The following NOVA1 variants were observed in gnomAD, a reference collection of about 807,000 sequenced individuals.
NOVA1 encodes the protein NOVA alternative splicing regulator 1, also known as RNA-binding protein Nova-1.
A neutral mutation model predicts 38.0 loss-of-function variants in NOVA1; 7 were observed. The ratio of observed to expected loss-of-function variants is 0.18; its 90% CI spans 0.10 to 0.35. NOVA1 has a LOEUF of 0.35. Ranked by LOEUF, NOVA1 falls within the 10% of genes least tolerant of loss-of-function variation. NOVA1 has a pLI of 1.00. For synonymous variants in NOVA1, 270 were observed against 232.5 expected, an observed-to-expected ratio of 1.16 and a Z score of -1.47; for missense variants, 460 against 616.0, an observed-to-expected ratio of 0.75 and a Z score of 2.68.
chr14:26,581,319 A>G (rs1402194274), intron 2 of NOVA1, among the ~76,000 whole-genome samples: 2 of 152,110 alleles, frequency 1.3e-5, no homozygotes, highest in African/African-American at 4.8e-5. Flanking sequence ...ACTGAGTACT[A>G]TATCACAGTG....
At chr14:26,536,108 T>A (rs542621793) in intron 2 of NOVA1, among the ~76,000 whole-genome samples, 1 of 152,022 alleles carries the variant, frequency 6.6e-6, no homozygotes, top group Admixed American at 6.5e-5. Context: ...AAGACAGGCA[T>A]AGAACGACAA....
intron 2 of NOVA1, among the ~76,000 whole-genome samples, chr14:26,529,547 TATA>T (rs1293841676): frequency 6.6e-6 from 1 of 152,194 alleles, no homozygotes; most frequent in African/African-American, 2.4e-5. Flanking sequence ...AATGTATACT[TATA>T]GGCCACACAG....
intron 2 of NOVA1, among the ~76,000 whole-genome samples, chr14:26,491,072 G>A (rs1345133937): frequency 3.3e-5 from 5 of 151,900 alleles, no homozygotes; most frequent in African/African-American, 9.7e-5. Flanking sequence ...GGATGGCCTC[G>A]ATCTCCTGGC....
chr14:26,595,662 G>T, intron 1 of NOVA1, 109 bp from the exon 2 acceptor site: 2 of 839,140 alleles, frequency 2.4e-6, no homozygotes, highest in Non-Finnish European at 1.8e-6. Flanking sequence ...GTATATAACT[G>T]CAGGAAATAT....
Position 26,448,502 on chromosome 14 carries a change from A to G in NOVA1, c.981T>C (p.Tyr327=). The G allele has an allele frequency of 6.2e-7, 1 of 1,614,194 alleles. No homozygotes were observed. The highest frequency in any genetic ancestry group is 8.5e-7 in the Non-Finnish European group (1 of 1,180,044). The change falls in exon 5 of 5, where the codon TAT becomes TAC. Residue 327 remains tyrosine (Y), a synonymous_variant. Transcript: ENST00000539517. The surrounding 1 kb of genome is among the most constrained non-coding windows in gnomAD (Gnocchi z 5.3). The part of the protein sequence containing the change: ...SALNTLASYG[Y]NLNTLGLGLS... ...GACCTAAACCTAAAGTGTTGAGATT[A>G]TATCCATAGCTGGCTAATGTATTAA...
intron 4 of NOVA1, among the ~76,000 whole-genome samples, chr14:26,464,503 T>C (rs1346156708): frequency 1.3e-5 from 2 of 152,238 alleles, no homozygotes; most frequent in Non-Finnish European, 2.9e-5. Context: ...CCGTGATACA[T>C]GACCTTACTT....
At chr14:26,525,725 C>G (rs1346412892) in intron 2 of NOVA1, among the ~76,000 whole-genome samples, 1 of 152,102 alleles carries the variant, frequency 6.6e-6, no homozygotes, top group Non-Finnish European at 1.5e-5. Flanking sequence ...CTTCAGGGGT[C>G]ATTATAGTAT....
chr14:26,470,262 G>A, intron 4 of NOVA1: 1 of 1,256,582 alleles, frequency 8.0e-7, no homozygotes, highest in Non-Finnish European at 1.1e-6. Flanking sequence ...GTATAGCAAA[G>A]CTAAATTAAT....
At chr14:26,591,533 T>A (rs1196631649) in intron 2 of NOVA1, among the ~76,000 whole-genome samples, 1 of 151,774 alleles carries the variant, frequency 6.6e-6, no homozygotes, top group Admixed American at 6.6e-5. Flanking sequence ...AAGTACAGAC[T>A]GCAACTTTTA....
intron 2 of NOVA1, among the ~76,000 whole-genome samples, chr14:26,577,811 C>T (rs1437958731): frequency 2.0e-5 from 3 of 151,998 alleles, no homozygotes; most frequent in Non-Finnish European, 2.9e-5. Flanking sequence ...TTCTAACATA[C>T]ATATTAGACA....
At chr14:26,464,840 G>A (rs1883986425) in intron 4 of NOVA1, among the ~76,000 whole-genome samples, 1 of 152,026 alleles carries the variant, frequency 6.6e-6, no homozygotes, top group Non-Finnish European at 1.5e-5. Flanking sequence ...TTAAGGGAGT[G>A]TTTCAGGCCT....
At chr14:26,594,450 A>C (rs1013028335) in intron 2 of NOVA1, 3 of 151,994 alleles carry the variant, frequency 2.0e-5, no homozygotes, top group Non-Finnish European at 4.4e-5. Context: ...GGAAGAAAAA[A>C]ATTAAAGCAG....
At position 26,458,988 on chromosome 14, in the gene NOVA1, A is replaced by T. The variant is rs543226976; in HGVS notation, c.520-10025T>A. The stretch of plus-strand genomic sequence containing the variant: ...TATACTAACCTAAGGCTAATTATTA[A>T]AGAAAGTTTATTTTTATACAATTAG... On this transcript the variant is annotated intron_variant, in intron 4 of 4. Coordinates refer to ENST00000539517, the MANE Select transcript of NOVA1 (RefSeq NM_002515.3). 2.0e-5 allele frequency among the ~76,000 whole-genome samples: 3 copies of T among 152,214 alleles called. No homozygotes were observed. The South Asian group carries it at 6.2e-4, about 31-fold the overall frequency.
At chr14:26,485,171 C>T (rs902265546) in intron 2 of NOVA1, among the ~76,000 whole-genome samples, 2 of 152,036 alleles carry the variant, frequency 1.3e-5, no homozygotes, top group Non-Finnish European at 2.9e-5. Flanking sequence ...AGAAGAGTGC[C>T]TGGCACACTA....
At chr14:26,540,285 C>G (rs1048768286) in intron 2 of NOVA1, among the ~76,000 whole-genome samples, 47 of 152,146 alleles carry the variant, frequency 3.1e-4, no homozygotes, top group Non-Finnish European at 3.7e-4. Flanking sequence ...GAGTGCAAAC[C>G]CTATTATGAA....
intron 1 of NOVA1, chr14:26,595,923 TA>T: frequency 2.5e-6 from 1 of 406,276 alleles, no homozygotes. Context: ...CAGAGGTTTA[TA>T]AGATGACAAA....
chr14:26,514,125 G>C (rs1012289225), intron 2 of NOVA1, among the ~76,000 whole-genome samples: 3 of 151,618 alleles, frequency 2.0e-5, no homozygotes, highest in African/African-American at 7.2e-5. Context: ...AATCAGGATT[G>C]ATCACATTTA....
At chr14:26,466,365 TTAGGGG>T (rs1254201994) in intron 4 of NOVA1, among the ~76,000 whole-genome samples, 1 of 151,946 alleles carries the variant, frequency 6.6e-6, no homozygotes, top group African/African-American at 2.4e-5. Flanking sequence ...AAGGAACAGG[TTAGGGG>T]TAGTTTTTGG....
chr14:26,520,238 ACACAGATGAAAACACAGTATT>A (rs1215919064), intron 2 of NOVA1, among the ~76,000 whole-genome samples: 1 of 152,190 alleles, frequency 6.6e-6, no homozygotes, highest in Non-Finnish European at 1.5e-5. Context: ...TTCTACATAA[ACACAGATGAAAACACAGTATT>A]CACAGGATGC....
Sources: gnomAD v4.1 joint callset for allele counts (sites outside exome capture counted in the v4.1 genomes callset) on GRCh38, gnomAD v4.1.1 for gene constraint, Gnocchi (gnomAD v3.1) non-coding constraint, MANE v1.5 for transcripts, NCBI Gene and HGNC (gene_info 2026-07-23, HGNC 2026-07-21) for gene names.